The following ZMYM2 variants were observed in gnomAD, a reference collection of about 807,000 sequenced individuals.
ZMYM2 encodes the protein zinc finger MYM-type containing 2.
A neutral mutation model predicts 162.8 loss-of-function variants in ZMYM2; 56 were observed. That is an observed-to-expected ratio of 0.34 (90% CI 0.28 to 0.43). The LOEUF (loss-of-function observed/expected upper bound fraction) is 0.43. ZMYM2 is among the 20% of genes least tolerant of loss of function. The pLI, the probability that ZMYM2 is intolerant of heterozygous loss-of-function variation, is 1.00. For synonymous variants in ZMYM2, 510 were observed against 541.6 expected, an observed-to-expected ratio of 0.94 and a Z score of 0.81; for missense variants, 1,275 against 1,621.8, an observed-to-expected ratio of 0.79 and a Z score of 3.67.
chr13:20,039,475 T>C (rs1229064243), intron 12 of ZMYM2, among the ~76,000 whole-genome samples: 1 of 7,812 alleles, frequency 1.3e-4, no homozygotes, highest in Non-Finnish European at 4.3e-3. Flanking sequence ...TATTGAGAGT[T>C]TTTTTTTTTT....
the ZMYM2 span, among the ~76,000 whole-genome samples, chr13:19,883,724 T>C: frequency 2.0e-5 from 3 of 152,226 alleles, no homozygotes; most frequent in African/African-American, 7.2e-5. Flanking sequence ...AGACTCTTAC[T>C]TCAAGATGTT....
At chr13:20,081,945 G>A (rs1306422895) in intron 21 of ZMYM2, 71 bp from the exon 22 acceptor site, 25 of 887,548 alleles carry the variant, frequency 2.8e-5, no homozygotes, top group African/African-American at 5.4e-5. Flanking sequence ...GAAATACGGA[G>A]TGTAATATGT....
intron 7 of ZMYM2, chr13:20,025,253 A>G: frequency 5.0e-6 from 1 of 201,452 alleles, no homozygotes; most frequent in East Asian, 7.6e-5. Context: ...GACGGATTTA[A>G]TTGCAACATG....
At chr13:20,080,230 A>G (rs975502283) in intron 21 of ZMYM2, among the ~76,000 whole-genome samples, 22 of 152,208 alleles carry the variant, frequency 1.4e-4, no homozygotes, top group Admixed American at 1.4e-3. Context: ...CAGTTGGTCT[A>G]TCATTGTATT....
At chr13:20,026,554 A>G (rs2140252990) in intron 7 of ZMYM2, 58 bp from the exon 8 acceptor site, 8 of 1,504,478 alleles carry the variant, frequency 5.3e-6, no homozygotes, top group East Asian at 4.7e-5. Flanking sequence ...AAAATTGGTA[A>G]TTCTTTTCTA....
At chr13:19,931,056 G>C in the ZMYM2 span, among the ~76,000 whole-genome samples, 1 of 150,496 alleles carries the variant, frequency 6.6e-6, no homozygotes, top group Admixed American at 6.6e-5. Flanking sequence ...GGAGAATGGC[G>C]TGAACCCAGG....
chr13:20,032,056 A>G (rs537341092), intron 10 of ZMYM2, among the ~76,000 whole-genome samples: 36 of 151,844 alleles, frequency 2.4e-4, no homozygotes, highest in African/African-American at 8.2e-4. Flanking sequence ...TTTTTAGTAG[A>G]GACGGGGTTT....
At chr13:19,913,164 G>A in the ZMYM2 span, among the ~76,000 whole-genome samples, 22 of 152,204 alleles carry the variant, frequency 1.4e-4, no homozygotes, top group East Asian at 7.7e-4. Flanking sequence ...TAGGTGAATC[G>A]CAGAGCAAGC....
At chr13:19,864,517 C>G in the ZMYM2 span, 1 of 154,920 alleles carries the variant, frequency 6.5e-6, no homozygotes, top group African/African-American at 2.4e-5. Flanking sequence ...CAGCTCCCCG[C>G]CTCCATCAAC....
chr13:19,960,386 A>G (rs569049824), intron 2 of ZMYM2, among the ~76,000 whole-genome samples: 1 of 152,392 alleles, frequency 6.6e-6, no homozygotes, highest in South Asian at 2.1e-4. Flanking sequence ...AATGCTGTGC[A>G]TGCAACCTGA....
intron 2 of ZMYM2, among the ~76,000 whole-genome samples, chr13:19,981,282 A>G (rs1402588402): frequency 7.2e-6 from 1 of 138,424 alleles, no homozygotes; most frequent in African/African-American, 3.3e-5. Context: ...AAAAAACAGA[A>G]AAAACAAAAA....
chr13:19,960,445 A>G (rs1386061623), intron 2 of ZMYM2, among the ~76,000 whole-genome samples: 1 of 152,266 alleles, frequency 6.6e-6, no homozygotes, highest in Non-Finnish European at 1.5e-5. Flanking sequence ...GGAATTGGAA[A>G]CATAGAAATA....
chr13:19,873,073 CT>C, the ZMYM2 span, among the ~76,000 whole-genome samples: 125 of 152,290 alleles, frequency 8.2e-4, 1 homozygote, highest in African/African-American at 3.0e-3. Flanking sequence ...GGCATAATGT[CT>C]CTTTATCTTT....
intron 10 of ZMYM2, among the ~76,000 whole-genome samples, chr13:20,032,724 T>G (rs1028778434): frequency 6.9e-6 from 1 of 145,812 alleles, no homozygotes; most frequent in African/African-American, 2.5e-5. Flanking sequence ...TTCTCCTGCC[T>G]CAGTTTCCCA....
chr13:19,987,095 G>C (rs1362801257), intron 2 of ZMYM2, among the ~76,000 whole-genome samples: 1 of 106,702 alleles, frequency 9.4e-6, no homozygotes, highest in African/African-American at 3.6e-5. Flanking sequence ...CTGGGCAAGA[G>C]AGCAAGGCTC....
intron 21 of ZMYM2, among the ~76,000 whole-genome samples, chr13:20,072,336 C>T (rs1429305408): frequency 6.6e-6 from 1 of 152,116 alleles, no homozygotes; most frequent in Non-Finnish European, 1.5e-5. Flanking sequence ...GCCTGGCCGA[C>T]ATGGTGAAAT....
the ZMYM2 span, among the ~76,000 whole-genome samples, chr13:19,932,458 G>A: frequency 6.6e-6 from 1 of 152,150 alleles, no homozygotes; most frequent in East Asian, 1.9e-4. Flanking sequence ...GACCAGCCTG[G>A]TCAATATGGT....
rs756074530 is a variant in ZMYM2 at position 20,066,856 on chromosome 13, C to G, written c.3138C>G (p.Ala1046=). 1 of 1,582,582 alleles carries G rather than the reference C, an allele frequency of 6.3e-7. No homozygotes were observed. Among genetic ancestry groups the G allele is most frequent in the Non-Finnish European group, 8.6e-7 (1 of 1,167,620 alleles). ...QPRPRSKKKG[A]KRKAVSGYQS... The stretch of plus-strand genomic sequence containing the variant: ...ATGGTGTTTTTTACTAATAGGGAGC[C>G]AAGAGAAAGGCTGTATCAGGATACC... The change falls in exon 20 of 25, where the codon GCC becomes GCG. Residue 1046 remains alanine (A), a synonymous_variant. Transcript: ENST00000610343.
At chr13:20,011,793 A>C (rs1951214163) in intron 6 of ZMYM2, among the ~76,000 whole-genome samples, 1 of 150,062 alleles carries the variant, frequency 6.7e-6, no homozygotes, top group Non-Finnish European at 1.5e-5. Context: ...TCTGTTGCTC[A>C]GGCTGGAGTG....
Sources: gnomAD v4.1 joint callset for allele counts (sites outside exome capture counted in the v4.1 genomes callset) on GRCh38, gnomAD v4.1.1 for gene constraint, MANE v1.5 for transcripts, NCBI Gene and HGNC (gene_info 2026-07-23, HGNC 2026-07-21) for gene names.